R3HDM1: variants seen among roughly 807,000 people sequenced by gnomAD.
The protein encoded by R3HDM1 is R3H domain containing 1.
R3HDM1 carries 46 observed loss-of-function variants against 141.1 expected under a neutral mutation model. That is an observed-to-expected ratio of 0.33 (90% confidence interval 0.26 to 0.42). The LOEUF (loss-of-function observed/expected upper bound fraction) is 0.42. Ranked by LOEUF, R3HDM1 falls within the 10% of genes least tolerant of loss-of-function variation. The pLI, the probability that R3HDM1 is intolerant of heterozygous loss-of-function variation, is 1.00. For missense variants in R3HDM1, 1,184 were observed against 1,368.3 expected (o/e 0.87, Z 2.12); for synonymous variants, 435 against 472.9 (o/e 0.92, Z 1.04).
chr2:135,723,649 C>A (rs182227905), intron 26 of R3HDM1, among the ~76,000 whole-genome samples: 1 of 150,816 alleles, frequency 6.6e-6, no homozygotes, highest in African/African-American at 2.4e-5. Context: ...TGGTGGCGGG[C>A]GCTTGTAATC....
At chr2:135,673,840 T>C (rs1261324123) in intron 19 of R3HDM1, among the ~76,000 whole-genome samples, 1 of 152,206 alleles carries the variant, frequency 6.6e-6, no homozygotes, top group Non-Finnish European at 1.5e-5. Context: ...GTGTTTTTGG[T>C]TTTTTGTTTG....
chr2:135,563,003 G>C (rs574897790), intron 1 of R3HDM1, among the ~76,000 whole-genome samples: 18 of 152,308 alleles, frequency 1.2e-4, no homozygotes, highest in African/African-American at 4.3e-4. Context: ...ATTATGAAAA[G>C]TATTCCAGTT....
chr2:135,665,201 A>G (rs539915211), intron 19 of R3HDM1, among the ~76,000 whole-genome samples: 1 of 152,372 alleles, frequency 6.6e-6, no homozygotes, highest in South Asian at 2.1e-4. Context: ...TATGCTTTGA[A>G]TACTGTGAAG....
At chr2:135,711,022 A>G (rs936888343) in intron 23 of R3HDM1, among the ~76,000 whole-genome samples, 6 of 152,252 alleles carry the variant, frequency 3.9e-5, no homozygotes, top group Non-Finnish European at 5.9e-5. Context: ...ACAGCCCTGA[A>G]TCCACTGATC....
intron 1 of R3HDM1, chr2:135,597,106 T>C: frequency 3.1e-6 from 3 of 979,046 alleles, no homozygotes; most frequent in Non-Finnish European, 3.6e-6. Flanking sequence ...TTGTTTCATA[T>C]AGTCTTACAA....
At chr2:135,721,305 C>T (rs2076675175) in intron 24 of R3HDM1, among the ~76,000 whole-genome samples, 1 of 152,144 alleles carries the variant, frequency 6.6e-6, no homozygotes, top group Non-Finnish European at 1.5e-5. Context: ...TAGTGAGACT[C>T]TATCTCTACT....
chr2:135,532,004 G>GGCT (rs1362208798), intron 1 of R3HDM1, among the ~76,000 whole-genome samples: 1 of 152,212 alleles, frequency 6.6e-6, no homozygotes, highest in African/African-American at 2.4e-5. Context: ...TCCCTGCCAT[G>GGCT]GCTGCTGCTG....
intron 19 of R3HDM1, chr2:135,670,354 A>G (rs1374981619): frequency 3.1e-5 from 30 of 983,184 alleles, no homozygotes. Context: ...TTGTCCTTTT[A>G]GCTACTCAAC....
chr2:135,557,353 CTCTT>C (rs1700983775), intron 1 of R3HDM1, among the ~76,000 whole-genome samples: 1 of 139,754 alleles, frequency 7.2e-6, no homozygotes, highest in South Asian at 2.1e-4. Flanking sequence ...GGTCTTGAAA[CTCTT>C]TATCTCTGAT....
chr2:135,715,677 C>A lies in R3HDM1; in HGVS notation c.2864C>A (p.Pro955His). 6.2e-7 allele frequency: 1 copy of A among 1,613,490 alleles called. No individual in the cohort carries two copies. The highest frequency in any genetic ancestry group is 8.5e-7 in the Non-Finnish European group (1 of 1,179,722). ...PLSIMPQFSR[P>H]FVPGQGDSRY... ...TCCATCATGCCCCAATTTTCTAGAC[C>A]TTTTGTCCCCGGGCAAGGTAAGTGC... Residue 955 changes from proline to histidine, a missense_variant, in exon 24 of 27, where the codon CCT becomes CAT. By Grantham distance (77) the Pro-to-His change is moderately conservative. Coordinates refer to ENST00000683871, the MANE Select transcript of R3HDM1 (RefSeq NM_001378107.1).
chr2:135,658,514 A>G (rs1301642216), intron 18 of R3HDM1, among the ~76,000 whole-genome samples: 2 of 152,146 alleles, frequency 1.3e-5, no homozygotes, highest in African/African-American at 4.8e-5. Flanking sequence ...TTAACCATGT[A>G]TGCAGCTTGC....
At chr2:135,716,841 A>G (rs753188800) in intron 24 of R3HDM1, among the ~76,000 whole-genome samples, 2 of 152,118 alleles carry the variant, frequency 1.3e-5, no homozygotes, top group Non-Finnish European at 2.9e-5. Flanking sequence ...AATCCCAGCT[A>G]CTCGGGAGGC....
intron 21 of R3HDM1, among the ~76,000 whole-genome samples, chr2:135,704,199 C>T (rs560319946): frequency 3.3e-5 from 5 of 152,264 alleles, no homozygotes; most frequent in East Asian, 1.9e-4. Flanking sequence ...AGGCTGGTCT[C>T]GAACTCTTGA....
At chr2:135,618,605 C>T (rs182153578) in intron 5 of R3HDM1, among the ~76,000 whole-genome samples, 1 of 151,400 alleles carries the variant, frequency 6.6e-6, no homozygotes, top group East Asian at 1.9e-4. Flanking sequence ...TAAATCCTTG[C>T]TTGGAGAATA....
intron 6 of R3HDM1, chr2:135,622,021 G>A (rs1031260252): frequency 2.0e-6 from 2 of 984,152 alleles, no homozygotes; most frequent in African/African-American, 3.5e-5. Context: ...AGTTTGGAGG[G>A]TCTTCACTAT....
intron 15 of R3HDM1, among the ~76,000 whole-genome samples, chr2:135,643,826 T>C (rs1306967355): frequency 3.3e-5 from 5 of 152,314 alleles, no homozygotes; most frequent in South Asian, 4.1e-4. Context: ...ACAGATGGAA[T>C]TGGAGACCAT....
chr2:135,587,060 G>T (rs1360359128), intron 1 of R3HDM1: 2 of 836,026 alleles, frequency 2.4e-6, no homozygotes, highest in African/African-American at 1.8e-5. Flanking sequence ...GCAAAACCTA[G>T]ATCTGTCATT....
intron 18 of R3HDM1, among the ~76,000 whole-genome samples, chr2:135,654,733 G>A (rs532021612): frequency 3.9e-5 from 6 of 152,280 alleles, no homozygotes; most frequent in African/African-American, 1.4e-4. Flanking sequence ...ACAGGCATGA[G>A]CCACCGCACC....
intron 7 of R3HDM1, among the ~76,000 whole-genome samples, chr2:135,628,427 G>A (rs1406447791): frequency 1.3e-5 from 2 of 152,112 alleles, no homozygotes; most frequent in Non-Finnish European, 2.9e-5. Flanking sequence ...GGGAGAGAAA[G>A]CCTAAATTTC....
Sources: gnomAD v4.1 joint callset for allele counts (sites outside exome capture counted in the v4.1 genomes callset) on GRCh38, gnomAD v4.1.1 for gene constraint, MANE v1.5 for transcripts, NCBI Gene and HGNC (gene_info 2026-07-23, HGNC 2026-07-21) for gene names.